The following SH3BP4 variants were observed in gnomAD, a reference collection of about 807,000 sequenced individuals.
The protein encoded by SH3BP4 is SH3 domain binding protein 4, also known as SH3 domain-binding protein 4.
In SH3BP4, 33 loss-of-function variants were observed where a neutral mutation model predicts 65.5. The ratio of observed to expected loss-of-function variants is 0.50; its 90% CI spans 0.38 to 0.67. The LOEUF (loss-of-function observed/expected upper bound fraction) is 0.67. SH3BP4 is among the 30% of genes least tolerant of loss of function. The pLI is 0.00. For synonymous variants in SH3BP4, 552 were observed against 545.5 expected, an observed-to-expected ratio of 1.01 and a Z score of -0.17; for missense variants, 1,134 against 1,261.4, an observed-to-expected ratio of 0.90 and a Z score of 1.53.
chr2:235,017,079 C>T (rs1694708874), intron 2 of SH3BP4, among the ~76,000 whole-genome samples: 1 of 126,832 alleles, frequency 7.9e-6, no homozygotes. Flanking sequence ...TGGTATATAG[C>T]CTTCTCATGT....
chr2:234,982,440 TTAGTCTATAGG>T (rs1268197100), intron 1 of SH3BP4, among the ~76,000 whole-genome samples: 1 of 152,056 alleles, frequency 6.6e-6, no homozygotes, highest in Non-Finnish European at 1.5e-5. Flanking sequence ...AATGGAACTG[TTAGTCTATAGG>T]TCTCAAAGCC....
chr2:235,051,040 C>G (rs1292463226), intron 4 of SH3BP4, among the ~76,000 whole-genome samples: 2 of 152,170 alleles, frequency 1.3e-5, no homozygotes, highest in East Asian at 1.9e-4. Context: ...GGAAGCCAAG[C>G]CTTTCCCATT....
At chr2:234,982,978 G>A (rs1693433813) in intron 1 of SH3BP4, among the ~76,000 whole-genome samples, 3 of 152,208 alleles carry the variant, frequency 2.0e-5, no homozygotes, top group Non-Finnish European at 4.4e-5. Context: ...CCAGCGGGGA[G>A]GTGGTGGATC....
intron 1 of SH3BP4, among the ~76,000 whole-genome samples, chr2:234,970,537 G>A (rs1050964641): frequency 2.0e-5 from 3 of 152,198 alleles, no homozygotes; most frequent in Admixed American, 2.0e-4. Flanking sequence ...ACAAAACTTC[G>A]GGTGTGCATA....
chr2:234,969,319 C>T (rs914379064), intron 1 of SH3BP4, among the ~76,000 whole-genome samples: 1 of 152,154 alleles, frequency 6.6e-6, no homozygotes, highest in Non-Finnish European at 1.5e-5. Context: ...GAGTCTGGGT[C>T]TATGCTCCTT....
chr2:234,966,975 A>G (rs1692852279), intron 1 of SH3BP4, among the ~76,000 whole-genome samples: 1 of 152,238 alleles, frequency 6.6e-6, no homozygotes, highest in African/African-American at 2.4e-5. Context: ...TTTGGTGTTC[A>G]TGCATAACAC....
At chr2:234,960,468 CTG>C (rs1333529977) in intron 1 of SH3BP4, among the ~76,000 whole-genome samples, 5 of 152,200 alleles carry the variant, frequency 3.3e-5, no homozygotes, top group Non-Finnish European at 5.9e-5. Context: ...CATTTCAGGC[CTG>C]TGTGAGGGGG....
chr2:234,977,110 C>T lies in SH3BP4; in HGVS notation c.-206-18193C>T, dbSNP rs190458211. Among the ~76,000 whole-genome samples, 53 of 152,278 alleles carry T rather than the reference C, an allele frequency of 3.5e-4. No individual in the cohort carries two copies. In the East Asian group the frequency reaches 9.8e-3, roughly 28 times the overall value. On this transcript the variant is annotated intron_variant, in intron 1 of 5. Coordinates refer to ENST00000392011, the MANE Select transcript of SH3BP4 (RefSeq NM_014521.3). The surrounding 1 kb of genome is among the most constrained non-coding windows in gnomAD (Gnocchi z 5.1). ...GACTTTTCTATGAATTTAAATCTAT[C>T]CTAAAAGAAAAAGCTTATTTAAGAA...
intron 2 of SH3BP4, among the ~76,000 whole-genome samples, chr2:235,032,871 G>A (rs1695249702): frequency 6.6e-6 from 1 of 152,174 alleles, no homozygotes; most frequent in African/African-American, 2.4e-5. Context: ...TAGTTCTCAG[G>A]GGCCGGGAAT....
intron 2 of SH3BP4, among the ~76,000 whole-genome samples, chr2:235,022,919 G>A (rs765597020): frequency 2.6e-5 from 4 of 152,180 alleles, no homozygotes; most frequent in Non-Finnish European, 5.9e-5. Flanking sequence ...GGGGCCTGAT[G>A]GGTCTGGTTG....
At chr2:234,983,109 G>A (rs1693440857) in intron 1 of SH3BP4, 1 of 152,216 alleles carries the variant, frequency 6.6e-6, no homozygotes, top group African/African-American at 2.4e-5. Context: ...GGGCTGGGTG[G>A]GGATACAGAA....
At position 235,041,077 on chromosome 2, in the gene SH3BP4, A is replaced by G; in HGVS notation, c.308A>G (p.Tyr103Cys). 6.2e-7 allele frequency: 1 copy of G among 1,614,106 alleles called. No homozygotes were observed. Among genetic ancestry groups the G allele is most frequent in the Non-Finnish European group, 8.5e-7 (1 of 1,179,962 alleles). The change falls in exon 4 of 6, where the codon TAC becomes TGC. Residue 103 changes from tyrosine (Y) to cysteine (C), a missense_variant. By Grantham distance (194) the Tyr-to-Cys change is radical. Coordinates refer to ENST00000392011, the MANE Select transcript of SH3BP4 (RefSeq NM_014521.3). This position sits in a 1 kb window ranked among gnomAD's most constrained non-coding sequence, Gnocchi z 6.0. ...WYAHNTTEMG[Y>C]IPSSYVQPLN... Reference sequence around the variant, plus strand: ...GCACACAACACCACCGAAATGGGCTACATCCCCTCCTCCTATGTGCAGCCC... The same window carrying G: ...GCACACAACACCACCGAAATGGGCTGCATCCCCTCCTCCTATGTGCAGCCC...
chr2:235,017,946 A>C (rs1469864325), intron 2 of SH3BP4, among the ~76,000 whole-genome samples: 1 of 152,108 alleles, frequency 6.6e-6, no homozygotes, highest in African/African-American at 2.4e-5. Flanking sequence ...GTAGGTACCT[A>C]GTGTCTTGGG....
At position 234,977,013 on chromosome 2, in the gene SH3BP4, G is replaced by T. The variant is rs930782853; in HGVS notation, c.-206-18290G>T. Among the ~76,000 whole-genome samples the T allele has an allele frequency of 1.3e-5, 2 of 152,234 alleles. No homozygotes were observed. The highest frequency in any genetic ancestry group is 2.9e-5 in the Non-Finnish European group (2 of 68,038). On this transcript the variant is annotated intron_variant, in intron 1 of 5. Transcript: ENST00000392011. This position sits in a 1 kb window ranked among gnomAD's most constrained non-coding sequence, Gnocchi z 5.1. ...CGACATCCATTGTGACAAAGGTGCC[G>T]TCCTCCTGTAAGACACTCACAGGGA...
At chr2:235,021,869 A>G (rs1694855662) in intron 2 of SH3BP4, among the ~76,000 whole-genome samples, 3 of 152,232 alleles carry the variant, frequency 2.0e-5, no homozygotes, top group Non-Finnish European at 4.4e-5. Context: ...ATGACATCAC[A>G]TGAGTCAGAA....
intron 2 of SH3BP4, among the ~76,000 whole-genome samples, chr2:235,016,703 G>GT (rs1001481406): frequency 6.6e-6 from 1 of 152,140 alleles, no homozygotes; most frequent in Non-Finnish European, 1.5e-5. Flanking sequence ...TAGAGATGGG[G>GT]TTTCACCATG....
chr2:235,028,569 C>T (rs1034300029), intron 2 of SH3BP4, among the ~76,000 whole-genome samples: 2 of 152,194 alleles, frequency 1.3e-5, no homozygotes, highest in Admixed American at 1.3e-4. Context: ...TTCGTTCATT[C>T]ATTCGGGTTT....
chr2:234,959,425 A>G (rs1692657040), intron 1 of SH3BP4, among the ~76,000 whole-genome samples: 1 of 152,186 alleles, frequency 6.6e-6, no homozygotes, highest in East Asian at 1.9e-4. Context: ...TGGTGACTTC[A>G]TACAGCCATG....
intron 2 of SH3BP4, chr2:235,008,436 G>A (rs1384916372): frequency 6.6e-6 from 1 of 152,306 alleles, no homozygotes; most frequent in African/African-American, 2.4e-5. Flanking sequence ...GCGAAATAAA[G>A]CAGGAGGCGG....
Sources: allele counts gnomAD v4.1 joint callset (sites outside exome capture counted in the v4.1 genomes callset), GRCh38; gene constraint gnomAD v4.1.1; non-coding constraint Gnocchi (gnomAD v3.1); transcripts MANE v1.5; gene names NCBI Gene and HGNC (gene_info 2026-07-23, HGNC 2026-07-21).